Variants in DNAH6 observed in about 807,000 individuals in gnomAD.
DNAH6 encodes axonemal beta dynein heavy chain 6.
A neutral mutation model predicts 491.4 loss-of-function variants in DNAH6; 340 were observed. The observed-to-expected ratio is 0.69, with a 90% CI of 0.63 to 0.76. The LOEUF (loss-of-function observed/expected upper bound fraction) is 0.76, where lower values mean the gene tolerates loss of function less well. Among genes scored for constraint, DNAH6 ranks in the 30% least tolerant of loss-of-function variants. The pLI is 0.00. For synonymous variants in DNAH6, 1,603 were observed against 1,686.1 expected, an observed-to-expected ratio of 0.95 and a Z score of 1.21; for missense variants, 4,443 against 4,972.2, an observed-to-expected ratio of 0.89 and a Z score of 3.20.
At chr2:84,677,938 C>T (rs1693413131) in intron 41 of DNAH6, among the ~76,000 whole-genome samples, 1 of 152,108 alleles carries the variant, frequency 6.6e-6, no homozygotes, top group South Asian at 2.1e-4. Flanking sequence ...TAAGACAGTT[C>T]AGGTGACTGG....
chr2:84,676,963 C>T, intron 40 of DNAH6, 42 bp from the exon 41 acceptor site: 6 of 1,547,792 alleles, frequency 3.9e-6, no homozygotes, highest in African/African-American at 2.7e-5. Context: ...GGTCTCATTT[C>T]ATTCTCTGCT....
the DNAH6 span, among the ~76,000 whole-genome samples, chr2:84,473,317 G>A: frequency 4.6e-4 from 70 of 152,262 alleles, no homozygotes; most frequent in Middle Eastern, 3.4e-3. Flanking sequence ...TTTGTTGTGC[G>A]CAGTCTTGCT....
intron 37 of DNAH6, among the ~76,000 whole-genome samples, chr2:84,662,888 G>A (rs1245126535): frequency 9.9e-5 from 15 of 152,178 alleles, no homozygotes; most frequent in Admixed American, 9.8e-4. Flanking sequence ...ACAGCTGGGT[G>A]CCCCTCTGAG....
chr2:84,459,609 A>G, the DNAH6 span: 1 of 272,220 alleles, frequency 3.7e-6, no homozygotes, highest in East Asian at 8.8e-5. Context: ...GGAGCGAGGG[A>G]AGAGCGGCAG....
At chr2:84,767,326 G>A (rs770267539) in intron 64 of DNAH6, among the ~76,000 whole-genome samples, 4 of 151,952 alleles carry the variant, frequency 2.6e-5, no homozygotes, top group Non-Finnish European at 5.9e-5. Flanking sequence ...GAGCCCAGGA[G>A]TTTGAGACCA....
chr2:84,569,746 T>A (rs1238298339), intron 11 of DNAH6, among the ~76,000 whole-genome samples: 3 of 152,210 alleles, frequency 2.0e-5, no homozygotes, highest in Non-Finnish European at 2.9e-5. Flanking sequence ...ACTTTCTGTG[T>A]ATTTTATTTA....
At position 84,782,905 on chromosome 2, in the gene DNAH6, A is replaced by G. The variant is rs151224194; in HGVS notation, c.10864+1252A>G. ...GATGCCATTCAGTTTCACTGTAACTAGGACAAGAACATTTGCCAGTTCTTC... is the reference window on the plus strand; with the variant it reads ...GATGCCATTCAGTTTCACTGTAACTGGGACAAGAACATTTGCCAGTTCTTC... On this transcript the variant is annotated intron_variant, in intron 65 of 76. Transcript: ENST00000389394. Among the ~76,000 whole-genome samples, 785 of 152,328 alleles carry G rather than the reference A, an allele frequency of 5.2e-3. 7 individuals are homozygous for G. Among genetic ancestry groups the G allele is most frequent in the African/African-American group, 0.018 (745 of 41,580 alleles).
chr2:84,719,867 CT>C, intron 59 of DNAH6, among the ~76,000 whole-genome samples: 1 of 133,544 alleles, frequency 7.5e-6, no homozygotes, highest in Admixed American at 7.2e-5. Context: ...ATCTGTACCT[CT>C]AACACACACA....
At chr2:84,580,350 A>T (rs1403244848) in intron 14 of DNAH6, among the ~76,000 whole-genome samples, 3 of 126,840 alleles carry the variant, frequency 2.4e-5, no homozygotes, top group African/African-American at 6.0e-5. Flanking sequence ...ACACACACAC[A>T]CTCCTTTGTC....
chr2:84,588,114 C>G (rs993354403), intron 15 of DNAH6, among the ~76,000 whole-genome samples: 12 of 152,164 alleles, frequency 7.9e-5, no homozygotes, highest in African/African-American at 2.9e-4. Context: ...CATATCATGC[C>G]AAGTCACAAG....
At chr2:84,815,053 G>A (rs116486323) in intron 75 of DNAH6, among the ~76,000 whole-genome samples, 96 of 152,334 alleles carry the variant, frequency 6.3e-4, no homozygotes, top group African/African-American at 2.2e-3. Context: ...GCTCCCTCTG[G>A]GTGATGCCCA....
Position 84,805,785 on chromosome 2 carries a change from A to G in DNAH6, c.11602A>G (p.Arg3868Gly), listed in dbSNP as rs768234202. 6.5e-7 allele frequency: 1 copy of G among 1,549,784 alleles called. No homozygotes were observed. The change falls in exon 71 of 77, where the codon AGA (arginine) becomes GGA (glycine). Residue 3868 changes from arginine (R) to glycine (G), a missense_variant. Physicochemically the swap from Arg to Gly is moderately radical, Grantham distance 125. Around this residue, in one of 3 missense-constraint regions of DNAH6, gnomAD observed 1,463 missense variants for 1,656.6 expected, o/e 0.88. Transcript: ENST00000389394. ...AGAACTTGTTGCTTCTGTCCAGACCAGAGTTCCAGGTAATAAATAATTCTA... is the reference window on the plus strand; with the variant it reads ...AGAACTTGTTGCTTCTGTCCAGACCGGAGTTCCAGGTAATAAATAATTCTA... ...VQELVASVQT[R>G]VPEKLEMEGA...
intron 31 of DNAH6, among the ~76,000 whole-genome samples, chr2:84,639,672 G>A (rs776943962): frequency 3.9e-5 from 6 of 151,968 alleles, no homozygotes; most frequent in East Asian, 1.9e-4. Context: ...CACCCATCTC[G>A]ATCTCCCAAA....
At chr2:84,464,937 G>T in the DNAH6 span, among the ~76,000 whole-genome samples, 29 of 152,212 alleles carry the variant, frequency 1.9e-4, no homozygotes, top group Non-Finnish European at 3.5e-4. Context: ...AGATGGAATT[G>T]CTCTGGTTCA....
intron 70 of DNAH6, among the ~76,000 whole-genome samples, chr2:84,803,584 G>A (rs1241677124): frequency 6.6e-6 from 1 of 150,922 alleles, no homozygotes; most frequent in Non-Finnish European, 1.5e-5. Flanking sequence ...AATCAAAAAT[G>A]TTAAAAAAAC....
the DNAH6 span, among the ~76,000 whole-genome samples, chr2:84,465,005 G>T: frequency 2.6e-5 from 4 of 152,084 alleles, no homozygotes; most frequent in African/African-American, 9.7e-5. Context: ...TCTAAGGGTT[G>T]TAGAGGGGCA....
chr2:84,557,039 G>A (rs146206217), intron 10 of DNAH6, among the ~76,000 whole-genome samples: 21 of 152,224 alleles, frequency 1.4e-4, no homozygotes, highest in South Asian at 1.2e-3. Flanking sequence ...TTGTTTACAC[G>A]TCTATTTTTC....
intron 68 of DNAH6, among the ~76,000 whole-genome samples, chr2:84,789,861 T>C (rs953032846): frequency 6.6e-6 from 1 of 152,176 alleles, no homozygotes; most frequent in Non-Finnish European, 1.5e-5. Context: ...CTGACTTCTG[T>C]GCTTCCTAAT....
chr2:84,473,458 A>T, the DNAH6 span, among the ~76,000 whole-genome samples: 21 of 152,328 alleles, frequency 1.4e-4, no homozygotes, highest in African/African-American at 5.1e-4. Flanking sequence ...TTAGTAGGAA[A>T]AACTAAAAAC....
Sources: allele counts gnomAD v4.1 joint callset (sites outside exome capture counted in the v4.1 genomes callset), GRCh38; gene constraint gnomAD v4.1.1; regional missense constraint gnomAD v4.1.1; transcripts MANE v1.5; gene names NCBI Gene and HGNC (gene_info 2026-07-23, HGNC 2026-07-21).